Variants in CTNNA3 observed in about 807,000 individuals in gnomAD.
The protein encoded by CTNNA3 is catenin alpha-3.
Under a neutral mutation model 95.7 loss-of-function variants are expected in CTNNA3, and 76 were observed. The observed-to-expected ratio is 0.79, with a 90% confidence interval of 0.66 to 0.96. The LOEUF (loss-of-function observed/expected upper bound fraction) is 0.96, where lower values mean the gene tolerates loss of function less well. CTNNA3 is among the 40% of genes least tolerant of loss of function. The probability of loss-of-function intolerance (pLI) is 0.00; values close to 1 mark genes in which losing one functional copy is unlikely to be tolerated. For missense variants in CTNNA3, 1,191 were observed against 1,089.8 expected (o/e 1.09, Z -1.31); for synonymous variants, 431 against 374.4 (o/e 1.15, Z -1.74).
At chr10:66,869,097 T>C (rs1243779186) in intron 7 of CTNNA3, among the ~76,000 whole-genome samples, 1 of 152,214 alleles carries the variant, frequency 6.6e-6, no homozygotes, top group African/African-American at 2.4e-5. Context: ...TAGTTTGACA[T>C]GTAACAAATA....
At chr10:66,945,606 C>G (rs1301162967) in intron 7 of CTNNA3, among the ~76,000 whole-genome samples, 5 of 152,150 alleles carry the variant, frequency 3.3e-5, no homozygotes, top group Non-Finnish European at 7.4e-5. Context: ...TCATTTTCTT[C>G]AAGAACTTTT....
chr10:67,461,408 G>T (rs1847371470), intron 5 of CTNNA3, among the ~76,000 whole-genome samples: 1 of 152,000 alleles, frequency 6.6e-6, no homozygotes, highest in Admixed American at 6.6e-5. Flanking sequence ...CCCCATTCCT[G>T]ACCTACTTAG....
chr10:67,165,781 T>A (rs959196869), intron 7 of CTNNA3, among the ~76,000 whole-genome samples: 8 of 152,194 alleles, frequency 5.3e-5, no homozygotes, highest in Admixed American at 5.2e-4. Flanking sequence ...TCAAGTAGAT[T>A]CAGTCAGTTT....
intron 13 of CTNNA3, among the ~76,000 whole-genome samples, chr10:66,109,654 A>G (rs1411440311): frequency 1.3e-5 from 2 of 152,194 alleles, no homozygotes; most frequent in Non-Finnish European, 2.9e-5. Flanking sequence ...TTACTTGCAA[A>G]TAAGTATGTA....
At chr10:67,067,777 T>G (rs1856181442) in intron 7 of CTNNA3, among the ~76,000 whole-genome samples, 1 of 152,206 alleles carries the variant, frequency 6.6e-6, no homozygotes, top group South Asian at 2.1e-4. Context: ...TTTTATTCAT[T>G]CAATCTGGGC....
Position 66,989,781 on chromosome 10 carries a change from T to C in CTNNA3, c.1047+190536A>G, listed in dbSNP as rs1452958083. On this transcript the variant is annotated intron_variant, in intron 7 of 17. Coordinates refer to ENST00000433211, the MANE Select transcript of CTNNA3 (RefSeq NM_013266.4). ...TTCATGGCACAGAGGATTATCATACTTGGCTGCTGGTCTGAGCTCATCCAG... is the reference window on the plus strand; with the variant it reads ...TTCATGGCACAGAGGATTATCATACCTGGCTGCTGGTCTGAGCTCATCCAG... Among the ~76,000 whole-genome samples, 6 of 152,284 alleles carry C rather than the reference T, an allele frequency of 3.9e-5. No individual in the cohort carries two copies. The South Asian group carries it at 1.2e-3, about 32-fold the overall frequency.
At chr10:66,748,676 ATAAT>A (rs1046635862) in intron 9 of CTNNA3, among the ~76,000 whole-genome samples, 36 of 152,220 alleles carry the variant, frequency 2.4e-4, no homozygotes, top group Admixed American at 5.2e-4. Context: ...AATTAATAAA[ATAAT>A]TAATTAATTC....
chr10:67,469,635 G>C (rs1012740923), intron 5 of CTNNA3, among the ~76,000 whole-genome samples: 1 of 152,060 alleles, frequency 6.6e-6, no homozygotes, highest in Non-Finnish European at 1.5e-5. Flanking sequence ...AAGAGTGATA[G>C]CATTAGGAGA....
chr10:66,024,184 G>C (rs1286449621), intron 15 of CTNNA3, among the ~76,000 whole-genome samples: 1 of 142,884 alleles, frequency 7.0e-6, no homozygotes, highest in African/African-American at 2.6e-5. Flanking sequence ...CCGCCTCCCG[G>C]GTTCATGCCA....
At chr10:66,775,550 G>A in intron 7 of CTNNA3, 26 bp from the exon 8 acceptor site, 2 of 1,495,920 alleles carry the variant, frequency 1.3e-6, no homozygotes, top group Non-Finnish European at 1.8e-6. Flanking sequence ...AACGACATAA[G>A]CAATGGTATC....
intron 9 of CTNNA3, among the ~76,000 whole-genome samples, chr10:66,659,220 A>G (rs1330469306): frequency 6.6e-6 from 1 of 150,488 alleles, no homozygotes; most frequent in Non-Finnish European, 1.5e-5. Context: ...ACACACACAT[A>G]CGTGTAGTTC....
At chr10:67,390,377 G>C (rs149720875) in intron 5 of CTNNA3, among the ~76,000 whole-genome samples, 2,729 of 152,246 alleles carry the variant, frequency 0.018, 77 homozygotes, top group African/African-American at 0.062. Context: ...TCTCTGAATA[G>C]ACCAACAACA....
chr10:67,670,882 G>GT (rs1840418443), intron 1 of CTNNA3, among the ~76,000 whole-genome samples: 1 of 151,910 alleles, frequency 6.6e-6, no homozygotes, highest in South Asian at 2.1e-4. Context: ...AACTTTATGT[G>GT]TATGGATGTT....
chr10:66,931,082 A>G (rs1564775068), intron 7 of CTNNA3, among the ~76,000 whole-genome samples: 2 of 150,878 alleles, frequency 1.3e-5, no homozygotes, highest in East Asian at 3.9e-4. Flanking sequence ...TCATAAATCT[A>G]TTTGTATAAG....
intron 7 of CTNNA3, among the ~76,000 whole-genome samples, chr10:66,838,198 G>C (rs1195001144): frequency 6.6e-6 from 1 of 152,098 alleles, no homozygotes; most frequent in Non-Finnish European, 1.5e-5. Context: ...ACAGACTAGG[G>C]AGAGGGAGTG....
chr10:66,401,655 TTTC>T (rs1050509104), intron 11 of CTNNA3, among the ~76,000 whole-genome samples: 4 of 134,226 alleles, frequency 3.0e-5, no homozygotes, highest in African/African-American at 6.0e-5. Flanking sequence ...ATTCCATTTC[TTTC>T]TTTTTTTTTT....
At chr10:67,235,855 T>A (rs1169333628) in intron 5 of CTNNA3, among the ~76,000 whole-genome samples, 1 of 140,888 alleles carries the variant, frequency 7.1e-6, no homozygotes, top group Non-Finnish European at 1.5e-5. Flanking sequence ...GCGAAGGACA[T>A]GAACAGACTC....
At chr10:67,379,943 C>T (rs1314511749) in intron 5 of CTNNA3, among the ~76,000 whole-genome samples, 1 of 146,708 alleles carries the variant, frequency 6.8e-6, no homozygotes, top group Non-Finnish European at 1.5e-5. Flanking sequence ...ATGGTGTGAA[C>T]CCGGGAGGCG....
intron 2 of CTNNA3, among the ~76,000 whole-genome samples, chr10:67,630,278 C>T (rs2133434029): frequency 6.6e-6 from 1 of 152,308 alleles, no homozygotes; most frequent in Non-Finnish European, 1.5e-5. Flanking sequence ...CCACTTTGAC[C>T]ACATAACTTG....
Sources: allele counts gnomAD v4.1 joint callset (sites outside exome capture counted in the v4.1 genomes callset), GRCh38; gene constraint gnomAD v4.1.1; transcripts MANE v1.5; gene names NCBI Gene and HGNC (gene_info 2026-07-23, HGNC 2026-07-21).